Variants in PDCD6 observed in about 807,000 individuals in gnomAD.
PDCD6 encodes the protein programmed cell death 6, also known as programmed cell death protein 6.
Under a neutral mutation model 28.3 loss-of-function variants are expected in PDCD6, and 12 were observed. The ratio of observed to expected loss-of-function variants is 0.42; its 90% CI spans 0.27 to 0.69. PDCD6 has a LOEUF of 0.69. PDCD6 is among the 30% of genes least tolerant of loss of function. PDCD6 has a pLI of 0.22. For missense variants in PDCD6, 226 were observed against 269.9 expected (o/e 0.84, Z 1.14); for synonymous variants, 92 against 108.0 (o/e 0.85, Z 0.92).
At chr5:277,709 C>CA (rs1738286964) in intron 2 of PDCD6, among the ~76,000 whole-genome samples, 1 of 152,004 alleles carries the variant, frequency 6.6e-6, no homozygotes, top group African/African-American at 2.4e-5. Context: ...GCTGGGATTA[C>CA]GGGCGTGAGC....
chr5:292,849 T>G (rs1739392795), intron 2 of PDCD6, among the ~76,000 whole-genome samples: 1 of 152,202 alleles, frequency 6.6e-6, no homozygotes, highest in Non-Finnish European at 1.5e-5. Context: ...CTGCCATGGT[T>G]GGCTCAGCTG....
intron 2 of PDCD6, among the ~76,000 whole-genome samples, chr5:278,676 G>A (rs1373053618): frequency 6.6e-6 from 1 of 151,206 alleles, no homozygotes; most frequent in Non-Finnish European, 1.5e-5. Context: ...TCGTGCCATT[G>A]CACTCCAGCC....
intron 2 of PDCD6, among the ~76,000 whole-genome samples, chr5:292,717 G>A (rs183186062): frequency 6.8e-4 from 103 of 152,348 alleles, no homozygotes; most frequent in Non-Finnish European, 1.1e-3. Context: ...GAACAGAGCC[G>A]AGAGGAGGCC....
intron 2 of PDCD6, among the ~76,000 whole-genome samples, chr5:281,454 G>C (rs1428639803): frequency 6.6e-6 from 1 of 152,236 alleles, no homozygotes; most frequent in Non-Finnish European, 1.5e-5. Context: ...TTAGGTTGTG[G>C]AGCTGAAGAC....
intron 2 of PDCD6, among the ~76,000 whole-genome samples, chr5:274,022 G>A (rs892515180): frequency 1.3e-5 from 2 of 151,356 alleles, no homozygotes; most frequent in South Asian, 2.1e-4. Context: ...AAGAGAACCC[G>A]GAATCCAGTA....
intron 4 of PDCD6, chr5:310,144 G>A: frequency 6.0e-6 from 1 of 166,788 alleles, no homozygotes; most frequent in South Asian, 1.4e-4. Context: ...TGAGGAGGTG[G>A]GAGTAGTAGG....
rs184373330 is a variant in PDCD6 at position 296,776 on chromosome 5, G to T, written c.164-7401G>T. ...AGTAAGACTGGCATTGCACATGGGTGGGGGGGCCCGTCGAGGCCCCTCTTT... is the reference window on the plus strand; with the variant it reads ...AGTAAGACTGGCATTGCACATGGGTTGGGGGGCCCGTCGAGGCCCCTCTTT... On this transcript the variant is annotated intron_variant, in intron 2 of 5. Transcript: ENST00000264933. 8.2e-3 allele frequency among the ~76,000 whole-genome samples: 1,241 copies of T among 152,100 alleles called. 12 individuals carry two copies. The highest frequency in any genetic ancestry group is 0.025 in the African/African-American group (1,021 of 41,468).
At chr5:313,026 C>T (rs1257116434) in intron 5 of PDCD6, among the ~76,000 whole-genome samples, 7 of 152,220 alleles carry the variant, frequency 4.6e-5, no homozygotes, top group African/African-American at 1.2e-4. Context: ...ACCTCTCCAG[C>T]GCCTTCCAAG....
intron 2 of PDCD6, chr5:289,379 C>T (rs1354782827): frequency 3.3e-6 from 2 of 603,580 alleles, no homozygotes; most frequent in East Asian, 2.7e-5. Flanking sequence ...GATCTTCTTA[C>T]TCCTCCCTTT....
At chr5:279,841 G>A (rs1451751252) in intron 2 of PDCD6, among the ~76,000 whole-genome samples, 1 of 148,154 alleles carries the variant, frequency 6.7e-6, no homozygotes, top group African/African-American at 2.5e-5. Flanking sequence ...TAATAGTAAT[G>A]GCAAAAACTG....
chr5:271,724 G>T lies in PDCD6; in HGVS notation c.4G>T (p.Ala2Ser), dbSNP rs1737807496. ...GCCCAGCCGCGTGCCTTGGCCCATGGCCGCCTACTCTTACCGCCCCGGCCC... is the reference window on the plus strand; with the variant it reads ...GCCCAGCCGCGTGCCTTGGCCCATGTCCGCCTACTCTTACCGCCCCGGCCC... M[A>S]AYSYRPGPGA... The change falls in exon 1 of 6, where the codon GCC (alanine) becomes TCC (serine). Residue 2 changes from alanine (A) to serine (S), a missense_variant. By Grantham distance (99) the Ala-to-Ser change is moderately conservative. Around this residue, in one of 3 missense-constraint regions of PDCD6, gnomAD observed 72 missense variants for 71.4 expected, o/e 1.01. Coordinates refer to ENST00000264933, the MANE Select transcript of PDCD6 (RefSeq NM_013232.4). The T allele has an allele frequency of 2.6e-6, 4 of 1,538,654 alleles. No individual in the cohort carries two copies. Among genetic ancestry groups the T allele is most frequent in the Non-Finnish European group, 3.5e-6 (4 of 1,146,476 alleles).
At chr5:291,287 T>C (rs1376181628) in intron 2 of PDCD6, among the ~76,000 whole-genome samples, 2 of 152,190 alleles carry the variant, frequency 1.3e-5, no homozygotes, top group Admixed American at 6.5e-5. Context: ...TTTTGAACTT[T>C]GATGTAAGGA....
chr5:274,854 T>A lies in PDCD6; in HGVS notation c.163+2082T>A, dbSNP rs530525568. The stretch of plus-strand genomic sequence containing the variant: ...AGCTCTTTAACCATCAGCAAGTGTC[T>A]ATCAGAACATAATCTTGATTTCAGC... On this transcript the variant is annotated intron_variant, in intron 2 of 5. Transcript: ENST00000264933. Among the ~76,000 whole-genome samples the A allele has an allele frequency of 4.2e-3, 633 of 152,326 alleles. 3 individuals are homozygous for A. Among genetic ancestry groups the A allele is most frequent in the Middle Eastern group, 6.8e-3 (2 of 294 alleles).
At chr5:295,638 C>T (rs1285055839) in intron 2 of PDCD6, among the ~76,000 whole-genome samples, 1 of 145,688 alleles carries the variant, frequency 6.9e-6, no homozygotes, top group Non-Finnish European at 1.5e-5. Flanking sequence ...GCTGGGTCCT[C>T]AGGAGCCTTT....
At chr5:279,783 CAAAAAAAAAAAA>C (rs35224887) in intron 2 of PDCD6, among the ~76,000 whole-genome samples, 4 of 75,604 alleles carry the variant, frequency 5.3e-5, no homozygotes, top group Non-Finnish European at 9.1e-5. Context: ...AAAGTAATGG[CAAAAAAAAAAAA>C]AAAAAAAAAA....
intron 2 of PDCD6, among the ~76,000 whole-genome samples, chr5:280,083 C>T (rs1372635505): frequency 2.6e-5 from 4 of 151,454 alleles, no homozygotes; most frequent in Admixed American, 6.6e-5. Context: ...GGGTTTGTGT[C>T]TGGCACAGAG....
In PDCD6 at chr5:306,679, C is replaced by G. The variant is rs752564923; in HGVS notation, c.286C>G (p.Gln96Glu). 13 of 1,613,974 alleles carry G rather than the reference C, an allele frequency of 8.1e-6. No individual in the cohort carries two copies. Among genetic ancestry groups the G allele is most frequent in the Non-Finnish European group, 1.1e-5 (13 of 1,179,948 alleles). The change falls in exon 4 of 6, where the codon CAG becomes GAG. Residue 96 changes from glutamine to glutamate, a missense_variant. Around this residue, in one of 3 missense-constraint regions of PDCD6, gnomAD observed 151 missense variants for 177.2 expected, o/e 0.85. Transcript: ENST00000264933. ...TGTGTGGAAGTACATCACGGACTGG[C>G]AGAACGTCTTCCGCACGTACGACCG... ...TGVWKYITDW[Q>E]NVFRTYDRDN...
chr5:311,624 C>T (rs757147897), intron 5 of PDCD6: 27 of 520,652 alleles, frequency 5.2e-5, no homozygotes, highest in East Asian at 2.0e-4. Flanking sequence ...ATCTGCAAGA[C>T]GTGGTTTTTC....
At chr5:312,950 C>G (rs1351255488) in intron 5 of PDCD6, among the ~76,000 whole-genome samples, 3 of 152,146 alleles carry the variant, frequency 2.0e-5, no homozygotes, top group African/African-American at 7.3e-5. Context: ...AGGTTATGTT[C>G]TATAAGTTAA....
Sources: allele counts gnomAD v4.1 joint callset (sites outside exome capture counted in the v4.1 genomes callset), GRCh38; gene constraint gnomAD v4.1.1; regional missense constraint gnomAD v4.1.1; transcripts MANE v1.5; gene names NCBI Gene and HGNC (gene_info 2026-07-23, HGNC 2026-07-21).